The following GPR39 variants were observed in gnomAD, a reference collection of about 807,000 sequenced individuals.
GPR39 encodes the protein G protein-coupled receptor 39, also known as zinc sensing receptor.
A neutral mutation model predicts 18.4 loss-of-function variants in GPR39; 23 were observed. That is an observed-to-expected ratio of 1.25 (90% CI 0.90 to 1.77). GPR39 has a LOEUF of 1.77. GPR39 is among the 40% of genes most tolerant of loss of function. The pLI is 0.00. For synonymous variants in GPR39, 280 were observed against 257.9 expected, an observed-to-expected ratio of 1.09 and a Z score of -0.82; for missense variants, 647 against 602.4, an observed-to-expected ratio of 1.07 and a Z score of -0.78.
chr2:132,536,547 G>T (rs1419136286), intron 1 of GPR39, among the ~76,000 whole-genome samples: 1 of 152,212 alleles, frequency 6.6e-6, no homozygotes, highest in Non-Finnish European at 1.5e-5. Flanking sequence ...ATATTCTGTT[G>T]ATTTGGAATG....
chr2:132,577,855 G>A (rs1276167045), intron 1 of GPR39, among the ~76,000 whole-genome samples: 2 of 151,902 alleles, frequency 1.3e-5, no homozygotes, highest in African/African-American at 4.8e-5. Flanking sequence ...TTTTCAATCC[G>A]TATGCCTTTT....
At chr2:132,452,775 G>C (rs1439468287) in intron 1 of GPR39, among the ~76,000 whole-genome samples, 1 of 151,304 alleles carries the variant, frequency 6.6e-6, no homozygotes, top group Non-Finnish European at 1.5e-5. Context: ...ACGGTTTCCA[G>C]CTTCATTCAT....
rs1573617920 is a variant in GPR39, at chr2:132,470,662, T to G, written c.856+52764T>G. Among the ~76,000 whole-genome samples the G allele has an allele frequency of 2.0e-5, 3 of 151,264 alleles. 1 individual carries two copies. In the South Asian group the frequency reaches 6.3e-4, roughly 32 times the overall value. On this transcript the variant is annotated intron_variant, in intron 1 of 1. Transcript: ENST00000329321. Reference sequence around the variant, plus strand: ...AGACGATCCAGTAAAATGAGGAAAATGTATAGATCCAGTTGTACAAAGGAA... The same window carrying G: ...AGACGATCCAGTAAAATGAGGAAAAGGTATAGATCCAGTTGTACAAAGGAA...
At chr2:132,561,577 T>TACACACACACACACAC (rs55653432) in intron 1 of GPR39, among the ~76,000 whole-genome samples, 8 of 147,988 alleles carry the variant, frequency 5.4e-5, no homozygotes, top group African/African-American at 2.0e-4. Flanking sequence ...AATATGAGTG[T>TACACACACACACACAC]ACACACACAC....
At chr2:132,609,676 C>T (rs568160013) in intron 1 of GPR39, among the ~76,000 whole-genome samples, 77 of 152,296 alleles carry the variant, frequency 5.1e-4, no homozygotes, top group African/African-American at 1.7e-3. Context: ...GGGGCAGAAT[C>T]ACTGCAGTCC....
chr2:132,645,536 T>C lies in GPR39; in HGVS notation c.1292T>C (p.Leu431Pro), dbSNP rs1171981477. 1.9e-6 allele frequency: 3 copies of C among 1,614,144 alleles called. No homozygotes were observed. In the Admixed American group the frequency reaches 5.0e-5, roughly 27 times the overall value. ...TCCCAGTCATTGAGTCTCGAGTCAC[T>C]AGAGCCCAACTCAGGCGCGAAACCA... is the stretch of plus-strand genomic sequence containing the variant. ...SKSQSLSLES[L>P]EPNSGAKPAN... The change falls in exon 2 of 2, where the codon CTA (leucine) becomes CCA (proline). Residue 431 changes from leucine to proline, a missense_variant. This residue lies in a region of GPR39 where 581 missense variants were observed against 506.8 expected (regional missense o/e 1.15). Coordinates refer to ENST00000329321, the MANE Select transcript of GPR39 (RefSeq NM_001508.3).
At chr2:132,431,429 A>G (rs373405024) in intron 1 of GPR39, among the ~76,000 whole-genome samples, 63 of 152,386 alleles carry the variant, frequency 4.1e-4, no homozygotes, top group African/African-American at 1.4e-3. Context: ...TTAAGAAAGA[A>G]AAACTAGTAA....
In GPR39 at chr2:132,514,908, A is replaced by G. The variant is rs563535482; in HGVS notation, c.856+97010A>G. ...TCTTAATACTCTAGCCCTATTACCA[A>G]TAACCTCTCCCATGGTCACCCTACC... On this transcript the variant is annotated intron_variant, in intron 1 of 1. Coordinates refer to ENST00000329321, the MANE Select transcript of GPR39 (RefSeq NM_001508.3). Among the ~76,000 whole-genome samples, 10 of 152,346 alleles carry G rather than the reference A, an allele frequency of 6.6e-5. No individual in the cohort carries two copies. The South Asian group carries it at 2.1e-3, about 32-fold the overall frequency.
chr2:132,431,967 A>G (rs959287421), intron 1 of GPR39, among the ~76,000 whole-genome samples: 1 of 152,162 alleles, frequency 6.6e-6, no homozygotes, highest in African/African-American at 2.4e-5. Context: ...GCTTTAGGAG[A>G]GAATTCACTC....
chr2:132,592,280 G>C (rs1179256065), intron 1 of GPR39, among the ~76,000 whole-genome samples: 1 of 152,208 alleles, frequency 6.6e-6, no homozygotes. Flanking sequence ...CACTGAGACA[G>C]TGACATTTGA....
intron 1 of GPR39, among the ~76,000 whole-genome samples, chr2:132,508,605 C>G (rs1293350908): frequency 6.6e-6 from 1 of 152,178 alleles, no homozygotes; most frequent in Non-Finnish European, 1.5e-5. Context: ...GCCAGAGGAG[C>G]CTTTCCTAGA....
chr2:132,473,972 C>A (rs1467268514), intron 1 of GPR39, among the ~76,000 whole-genome samples: 1 of 152,114 alleles, frequency 6.6e-6, no homozygotes, highest in Non-Finnish European at 1.5e-5. Flanking sequence ...ATCTCTATAC[C>A]AACTACACAC....
At chr2:132,530,791 A>T (rs1423925881) in intron 1 of GPR39, among the ~76,000 whole-genome samples, 2 of 152,196 alleles carry the variant, frequency 1.3e-5, no homozygotes, top group African/African-American at 4.8e-5. Context: ...TCCTTTACAG[A>T]CAAGCAAATG....
At chr2:132,515,810 C>G (rs887898690) in intron 1 of GPR39, among the ~76,000 whole-genome samples, 1 of 152,142 alleles carries the variant, frequency 6.6e-6, no homozygotes, top group Admixed American at 6.5e-5. Flanking sequence ...AAGAATCAGA[C>G]TAAACAGGGC....
At chr2:132,496,524 C>A (rs1010687341) in intron 1 of GPR39, among the ~76,000 whole-genome samples, 1 of 152,162 alleles carries the variant, frequency 6.6e-6, no homozygotes, top group Admixed American at 6.5e-5. Context: ...TGATCCCCAA[C>A]AAGGCAAATA....
At chr2:132,588,944 G>A (rs1396455036) in intron 1 of GPR39, among the ~76,000 whole-genome samples, 1 of 152,108 alleles carries the variant, frequency 6.6e-6, no homozygotes, top group Non-Finnish European at 1.5e-5. Context: ...AGCAGAAAGG[G>A]TCTGAGGGCA....
intron 1 of GPR39, among the ~76,000 whole-genome samples, chr2:132,509,078 G>A (rs1367766551): frequency 6.6e-6 from 1 of 152,166 alleles, no homozygotes; most frequent in Admixed American, 6.5e-5. Context: ...CCAAGAGCTG[G>A]GAAACCAGAG....
intron 1 of GPR39, among the ~76,000 whole-genome samples, chr2:132,639,262 A>AG (rs1474733226): frequency 4.1e-5 from 6 of 147,288 alleles, no homozygotes; most frequent in East Asian, 2.0e-4. Context: ...GGGGGATAAA[A>AG]GGGGGATAAG....
chr2:132,531,450 C>G (rs1023349502), intron 1 of GPR39, among the ~76,000 whole-genome samples: 2 of 152,092 alleles, frequency 1.3e-5, no homozygotes, highest in African/African-American at 4.8e-5. Context: ...ATCAACGAGA[C>G]AGAAAGTTAA....
Sources: gnomAD v4.1 joint callset for allele counts (sites outside exome capture counted in the v4.1 genomes callset) on GRCh38, gnomAD v4.1.1 for gene constraint, gnomAD v4.1.1 regional missense constraint, MANE v1.5 for transcripts, NCBI Gene and HGNC (gene_info 2026-07-23, HGNC 2026-07-21) for gene names.